The following TBC1D5 variants were observed in gnomAD, a reference collection of about 807,000 sequenced individuals.
TBC1D5 encodes the protein TBC1 domain family member 5, also known as TBC1 domain family, member 5.
TBC1D5 carries 75 observed loss-of-function variants against 100.3 expected under a neutral mutation model. That is an observed-to-expected ratio of 0.75 (90% CI 0.62 to 0.91). The LOEUF (loss-of-function observed/expected upper bound fraction) is 0.91, where lower values mean the gene tolerates loss of function less well. Among genes scored for constraint, TBC1D5 ranks in the 40% least tolerant of loss-of-function variants. The pLI, the probability that TBC1D5 is intolerant of heterozygous loss-of-function variation, is 0.00. For synonymous variants in TBC1D5, 323 were observed against 325.6 expected, an observed-to-expected ratio of 0.99 and a Z score of 0.09; for missense variants, 910 against 942.4, an observed-to-expected ratio of 0.97 and a Z score of 0.45.
intron 2 of TBC1D5, among the ~76,000 whole-genome samples, chr3:17,580,109 C>T (rs2153531454): frequency 6.6e-6 from 1 of 152,210 alleles, no homozygotes; most frequent in East Asian, 1.9e-4. Context: ...TGAATTTGAA[C>T]CATAAACTCC....
chr3:17,381,097 C>T (rs1161318796), intron 9 of TBC1D5, among the ~76,000 whole-genome samples: 2 of 151,958 alleles, frequency 1.3e-5, no homozygotes, highest in African/African-American at 2.4e-5. Flanking sequence ...TTTAAAATGA[C>T]ACCCAGGAGT....
intron 2 of TBC1D5, among the ~76,000 whole-genome samples, chr3:17,527,663 A>T (rs999121407): frequency 6.6e-6 from 1 of 152,188 alleles, no homozygotes; most frequent in African/African-American, 2.4e-5. Context: ...ATGGTATATG[A>T]GAAAGTACAA....
intron 2 of TBC1D5, among the ~76,000 whole-genome samples, chr3:17,543,667 A>G (rs2096382478): frequency 6.6e-6 from 1 of 152,056 alleles, no homozygotes; most frequent in Non-Finnish European, 1.5e-5. Flanking sequence ...AACAGAAAAG[A>G]AAGAAAAAAT....
chr3:17,461,879 T>C (rs183441508), intron 3 of TBC1D5, among the ~76,000 whole-genome samples: 141 of 152,310 alleles, frequency 9.3e-4, no homozygotes, highest in Non-Finnish European at 1.7e-3. Context: ...TTCTGCTTTA[T>C]TGATTCTGTC....
chr3:17,243,706 T>TA (rs540758414), intron 16 of TBC1D5, among the ~76,000 whole-genome samples: 6 of 150,380 alleles, frequency 4.0e-5, no homozygotes, highest in Admixed American at 6.6e-5. Context: ...GAGTTTAAAT[T>TA]AAAAAAAAAA....
intron 13 of TBC1D5, among the ~76,000 whole-genome samples, chr3:17,311,731 A>C (rs1436465938): frequency 6.6e-6 from 1 of 152,036 alleles, no homozygotes; most frequent in African/African-American, 2.4e-5. Context: ...CTTTAGTGAG[A>C]TATGGGCATA....
chr3:17,364,035 C>A (rs369888207), intron 13 of TBC1D5, among the ~76,000 whole-genome samples: 5 of 150,336 alleles, frequency 3.3e-5, no homozygotes, highest in Admixed American at 1.4e-4. Context: ...ACCACCACCC[C>A]CTCCCCGGAC....
At chr3:17,268,590 T>C (rs1015713464) in intron 15 of TBC1D5, among the ~76,000 whole-genome samples, 1 of 152,110 alleles carries the variant, frequency 6.6e-6, no homozygotes, top group African/African-American at 2.4e-5. Flanking sequence ...TGAATGTAAA[T>C]AGTATTTCAA....
chr3:17,518,182 C>T (rs1328963400), intron 2 of TBC1D5, among the ~76,000 whole-genome samples: 1 of 152,080 alleles, frequency 6.6e-6, no homozygotes, highest in Non-Finnish European at 1.5e-5. Context: ...GGGTGGGTCC[C>T]CGACAAAACC....
chr3:17,419,984 C>G (rs1404345612), intron 4 of TBC1D5, among the ~76,000 whole-genome samples: 4 of 152,132 alleles, frequency 2.6e-5, no homozygotes, highest in African/African-American at 9.7e-5. Context: ...GTCCCTGCAC[C>G]TGGCCTTCCC....
chr3:17,732,979 C>T (rs1421629791), intron 1 of TBC1D5, among the ~76,000 whole-genome samples: 1 of 152,092 alleles, frequency 6.6e-6, no homozygotes, highest in African/African-American at 2.4e-5. Context: ...GACCACTTCC[C>T]ATACTGGTAG....
chr3:17,218,809 G>A (rs1290111821), intron 17 of TBC1D5, among the ~76,000 whole-genome samples: 1 of 151,946 alleles, frequency 6.6e-6, no homozygotes, highest in Non-Finnish European at 1.5e-5. Context: ...ATCATGAGCT[G>A]TTCTTCTATT....
chr3:17,343,610 G>C (rs1336440558), intron 13 of TBC1D5, among the ~76,000 whole-genome samples: 2 of 151,196 alleles, frequency 1.3e-5, no homozygotes, highest in Non-Finnish European at 3.0e-5. Flanking sequence ...ACTCTTTTTG[G>C]TTGGTAAGCT....
At chr3:17,390,912 C>G (rs1182269098) in intron 8 of TBC1D5, among the ~76,000 whole-genome samples, 1 of 152,116 alleles carries the variant, frequency 6.6e-6, no homozygotes, top group African/African-American at 2.4e-5. Flanking sequence ...CCTGTTTTCT[C>G]TTCTTTGCAG....
intron 4 of TBC1D5, among the ~76,000 whole-genome samples, chr3:17,410,178 C>T (rs1315478144): frequency 1.3e-5 from 2 of 152,166 alleles, no homozygotes; most frequent in East Asian, 3.9e-4. Flanking sequence ...AGAATTATGC[C>T]AAATCTACTC....
At chr3:17,214,713 C>T (rs762391658) in intron 17 of TBC1D5, among the ~76,000 whole-genome samples, 2 of 151,528 alleles carry the variant, frequency 1.3e-5, no homozygotes, top group African/African-American at 2.4e-5. Flanking sequence ...ATGGAATAAT[C>T]CCTTAATTAC....
chr3:17,385,341 G>C (rs766938677), intron 8 of TBC1D5, among the ~76,000 whole-genome samples: 4 of 152,024 alleles, frequency 2.6e-5, no homozygotes, highest in Non-Finnish European at 5.9e-5. Context: ...AGATGACCTA[G>C]AGCATGAAGG....
chr3:17,523,568 T>C (rs978469576), intron 2 of TBC1D5, among the ~76,000 whole-genome samples: 3 of 152,100 alleles, frequency 2.0e-5, no homozygotes, highest in African/African-American at 7.2e-5. Flanking sequence ...TCAAAAAAGA[T>C]TGTTCTGAAG....
intron 13 of TBC1D5, among the ~76,000 whole-genome samples, chr3:17,348,856 A>T (rs2090225909): frequency 6.6e-6 from 1 of 152,194 alleles, no homozygotes; most frequent in African/African-American, 2.4e-5. Flanking sequence ...ATTGAAACTG[A>T]AACAAAATAC....
Sources: gnomAD v4.1 joint callset for allele counts (sites outside exome capture counted in the v4.1 genomes callset) on GRCh38, gnomAD v4.1.1 for gene constraint, MANE v1.5 for transcripts, NCBI Gene and HGNC (gene_info 2026-07-23, HGNC 2026-07-21) for gene names.